Variants in DAB1 observed in about 807,000 individuals in gnomAD.
DAB1 encodes DAB adaptor protein 1.
DAB1 carries 15 observed loss-of-function variants against 64.6 expected under a neutral mutation model. The ratio of observed to expected loss-of-function variants is 0.23; its 90% CI spans 0.16 to 0.36. The LOEUF (loss-of-function observed/expected upper bound fraction) is 0.36. DAB1 is among the 10% of genes least tolerant of loss of function. DAB1 has a pLI of 1.00. For missense variants in DAB1, 596 were observed against 706.7 expected (o/e 0.84, Z 1.78); for synonymous variants, 235 against 251.9 (o/e 0.93, Z 0.64).
chr1:57,995,770 A>C (rs2100388681), intron 5 of DAB1, among the ~76,000 whole-genome samples: 1 of 152,176 alleles, frequency 6.6e-6, no homozygotes, highest in South Asian at 2.1e-4. Context: ...TAAAGACTTG[A>C]AAATGAGGCC....
At position 58,499,341 on chromosome 1, in the gene DAB1, C is replaced by T. The variant is rs187936212; in HGVS notation, n.257+6719G>A. Among the ~76,000 whole-genome samples the T allele has an allele frequency of 8.9e-3, 1,313 of 147,396 alleles. 7 individuals carry two copies. Among genetic ancestry groups the T allele is most frequent in the South Asian group, 0.013 (61 of 4,662 alleles). On this transcript the variant is annotated intron_variant and non_coding_transcript_variant, in intron 3 of 20. Transcript: ENST00000485760. ...AAAAAAAAAAAAAAAAAAAAAAGGC[C>T]AGGCATTGTGGTACATTCCTATAGT...
chr1:57,031,729 C>G (rs1646971393), intron 9 of DAB1, among the ~76,000 whole-genome samples: 1 of 152,200 alleles, frequency 6.6e-6, no homozygotes, highest in Admixed American at 6.5e-5. Context: ...AACCAGAAAT[C>G]TGGGTTGCTA....
chr1:57,440,977 G>A (rs1685919594), intron 7 of DAB1, among the ~76,000 whole-genome samples: 1 of 152,088 alleles, frequency 6.6e-6, no homozygotes, highest in Non-Finnish European at 1.5e-5. Flanking sequence ...TCCAGAGAGT[G>A]AGCATAGGAC....
intron 5 of DAB1, among the ~76,000 whole-genome samples, chr1:57,979,424 G>A (rs1646007964): frequency 6.6e-6 from 1 of 152,114 alleles, no homozygotes; most frequent in Admixed American, 6.5e-5. Context: ...GGGATGGGGG[G>A]CTAGGGGAGG....
At chr1:57,931,224 CT>C (rs1269607814) in intron 5 of DAB1, among the ~76,000 whole-genome samples, 1 of 152,076 alleles carries the variant, frequency 6.6e-6, no homozygotes, top group Non-Finnish European at 1.5e-5. Context: ...GTGTGTGATT[CT>C]TTTTAAACAT....
chr1:58,398,902 C>T (rs1644546997), intron 3 of DAB1, among the ~76,000 whole-genome samples: 1 of 152,192 alleles, frequency 6.6e-6, no homozygotes. Context: ...AGTTACTCAT[C>T]TGTGAAATGG....
chr1:57,843,404 T>C (rs2101918541), intron 1 of DAB1, among the ~76,000 whole-genome samples: 1 of 152,322 alleles, frequency 6.6e-6, no homozygotes, highest in Admixed American at 6.5e-5. Flanking sequence ...AAGTCACTTC[T>C]CTGAGCTTCA....
At chr1:58,078,467 A>C (rs1649787068) in intron 5 of DAB1, among the ~76,000 whole-genome samples, 1 of 152,228 alleles carries the variant, frequency 6.6e-6, no homozygotes, top group Admixed American at 6.5e-5. Flanking sequence ...GTAAATGTGC[A>C]ATGTAAGTTT....
chr1:57,247,034 G>A (rs931832919), intron 2 of DAB1, among the ~76,000 whole-genome samples: 1 of 151,162 alleles, frequency 6.6e-6, no homozygotes, highest in Non-Finnish European at 1.5e-5. Flanking sequence ...TCTCAGATGA[G>A]ACTTTGGACT....
At chr1:57,041,682 A>G (rs1054616735) in intron 9 of DAB1, among the ~76,000 whole-genome samples, 3 of 152,240 alleles carry the variant, frequency 2.0e-5, no homozygotes, top group African/African-American at 7.2e-5. Context: ...GACAAATAGT[A>G]AGGCTTCCAT....
chr1:57,822,877 G>C (rs1377675516), downstream of DAB1, among the ~76,000 whole-genome samples: 2 of 151,846 alleles, frequency 1.3e-5, no homozygotes, highest in African/African-American at 2.4e-5. Flanking sequence ...TTTCAAACCA[G>C]ATTTTGAAGA....
chr1:57,542,933 G>A (rs768019324), intron 7 of DAB1, among the ~76,000 whole-genome samples: 3 of 152,122 alleles, frequency 2.0e-5, no homozygotes, highest in Non-Finnish European at 4.4e-5. Context: ...ACTTGCTCTG[G>A]GGGGAAGCCA....
chr1:57,570,816 T>C (rs759486585), intron 7 of DAB1, among the ~76,000 whole-genome samples: 6 of 152,238 alleles, frequency 3.9e-5, no homozygotes, highest in Admixed American at 6.5e-5. Context: ...ATATTGATTC[T>C]ACCCATCCAT....
At chr1:57,488,579 G>A (rs1644122959) in intron 7 of DAB1, among the ~76,000 whole-genome samples, 4 of 151,932 alleles carry the variant, frequency 2.6e-5, no homozygotes, top group Admixed American at 2.6e-4. Context: ...GGGAAGCTGA[G>A]GCCGGAGAAT....
At chr1:57,089,230 G>A (rs1201673875) in intron 4 of DAB1, among the ~76,000 whole-genome samples, 1 of 152,136 alleles carries the variant, frequency 6.6e-6, no homozygotes, top group Non-Finnish European at 1.5e-5. Context: ...TCCCATGAGG[G>A]AATAACTTCT....
chr1:57,302,696 T>C (rs996926301), intron 1 of DAB1, among the ~76,000 whole-genome samples: 3 of 152,134 alleles, frequency 2.0e-5, no homozygotes, highest in African/African-American at 7.2e-5. Flanking sequence ...CTCCAACTCC[T>C]GGGTTCGAGG....
intron 1 of DAB1, among the ~76,000 whole-genome samples, chr1:58,535,219 A>G (rs1170492039): frequency 6.6e-6 from 1 of 152,226 alleles, no homozygotes; most frequent in Non-Finnish European, 1.5e-5. Context: ...AGTTATATTC[A>G]TGAGAGCTCT....
intron 1 of DAB1, among the ~76,000 whole-genome samples, chr1:58,529,309 C>G (rs561918384): frequency 6.6e-6 from 1 of 152,120 alleles, no homozygotes; most frequent in East Asian, 1.9e-4. Context: ...AAACAAATAA[C>G]AGATTGTTCC....
intron 2 of DAB1, among the ~76,000 whole-genome samples, chr1:57,238,978 A>C (rs1558002915): frequency 6.6e-6 from 1 of 151,570 alleles, no homozygotes; most frequent in Non-Finnish European, 1.5e-5. Context: ...TTTTTCTGTA[A>C]ATCTATTTAC....
Sources: gnomAD v4.1 joint callset for allele counts (sites outside exome capture counted in the v4.1 genomes callset) on GRCh38, gnomAD v4.1.1 for gene constraint, MANE v1.5 for transcripts, NCBI Gene and HGNC (gene_info 2026-07-23, HGNC 2026-07-21) for gene names.